JAZF1: variants seen among roughly 807,000 people sequenced by gnomAD.
JAZF1 encodes juxtaposed with another zinc finger protein 1.
Under a neutral mutation model 26.4 loss-of-function variants are expected in JAZF1, and 8 were observed. That is an observed-to-expected ratio of 0.30 (90% CI 0.18 to 0.55). The LOEUF (loss-of-function observed/expected upper bound fraction) is 0.55. Ranked by LOEUF, JAZF1 falls within the 20% of genes least tolerant of loss-of-function variation. The pLI is 0.94. For synonymous variants in JAZF1, 126 were observed against 122.3 expected (o/e 1.03, Z -0.20); for missense variants, 199 against 322.0 (o/e 0.62, Z 2.92).
At chr7:27,845,732 G>GAA (rs1373271889) in intron 3 of JAZF1, among the ~76,000 whole-genome samples, 1 of 145,862 alleles carries the variant, frequency 6.9e-6, no homozygotes, top group African/African-American at 2.6e-5. Context: ...AAAAGAAAAA[G>GAA]AAATTTTAAA....
At chr7:28,148,161 C>G (rs1260151825) in intron 1 of JAZF1, among the ~76,000 whole-genome samples, 2 of 152,020 alleles carry the variant, frequency 1.3e-5, no homozygotes. Flanking sequence ...ACCTCTGCCT[C>G]CTGAGTTCAA....
chr7:27,937,042 C>T (rs1784772133), intron 2 of JAZF1, among the ~76,000 whole-genome samples: 1 of 152,136 alleles, frequency 6.6e-6, no homozygotes, highest in African/African-American at 2.4e-5. Flanking sequence ...TTGTACTCAT[C>T]CTTAGATTTT....
At chr7:28,128,781 G>A (rs1338608660) in intron 1 of JAZF1, among the ~76,000 whole-genome samples, 3 of 152,110 alleles carry the variant, frequency 2.0e-5, no homozygotes, top group South Asian at 4.1e-4. Flanking sequence ...GGAAACCAAG[G>A]ATAGCTGCAC....
At chr7:27,943,674 A>T (rs1784882700) in intron 2 of JAZF1, among the ~76,000 whole-genome samples, 1 of 152,208 alleles carries the variant, frequency 6.6e-6, no homozygotes. Flanking sequence ...TACTCAAGTC[A>T]GTCATCTCCC....
At chr7:27,841,056 G>A (rs1432002875) in intron 3 of JAZF1, 189 bp from the exon 4 acceptor site, 15 of 577,720 alleles carry the variant, frequency 2.6e-5, no homozygotes, top group East Asian at 1.4e-4. Context: ...GGAGCCCTGC[G>A]TTCCCACCTA....
intron 4 of JAZF1, among the ~76,000 whole-genome samples, chr7:27,838,917 C>T (rs1165337911): frequency 1.3e-5 from 2 of 152,202 alleles, no homozygotes; most frequent in Non-Finnish European, 2.9e-5. Flanking sequence ...CCAGCAGCCC[C>T]TTCAGCCCAA....
chr7:28,077,616 T>C lies in JAZF1; in HGVS notation c.116-85635A>G, dbSNP rs1583547846. ...CAAAATCCCAGTAGAATAAATTTGGTATATAAGTCCTCCAGCAAAGTGACC... is the reference window on the plus strand; with the variant it reads ...CAAAATCCCAGTAGAATAAATTTGGCATATAAGTCCTCCAGCAAAGTGACC... On this transcript the variant is annotated intron_variant, in intron 1 of 4. Coordinates refer to ENST00000283928, the MANE Select transcript of JAZF1 (RefSeq NM_175061.4). Among the ~76,000 whole-genome samples the C allele has an allele frequency of 2.6e-5, 4 of 152,234 alleles. No homozygotes were observed. In the South Asian group the frequency reaches 8.3e-4, roughly 32 times the overall value.
intron 1 of JAZF1, among the ~76,000 whole-genome samples, chr7:28,038,426 T>C (rs528205257): frequency 7.6e-4 from 115 of 152,176 alleles, no homozygotes; most frequent in Non-Finnish European, 4.9e-4. Flanking sequence ...TTTGTTTACA[T>C]AACTGAACTA....
Position 28,071,233 on chromosome 7 carries a change from A to G in JAZF1, c.116-79252T>C, listed in dbSNP as rs539748149. ...ACAGGGAGGTTTGACACCAAAAGAG[A>G]CTGTTCTAAGTCACAGGCAAGACCT... On this transcript the variant is annotated intron_variant, in intron 1 of 4. Coordinates refer to ENST00000283928, the MANE Select transcript of JAZF1 (RefSeq NM_175061.4). Among the ~76,000 whole-genome samples the G allele has an allele frequency of 4.6e-5, 7 of 152,276 alleles. No homozygotes were observed. In the East Asian group the frequency reaches 1.4e-3, roughly 29 times the overall value.
At chr7:28,044,871 A>C (rs1783468532) in intron 1 of JAZF1, among the ~76,000 whole-genome samples, 1 of 152,106 alleles carries the variant, frequency 6.6e-6, no homozygotes, top group Admixed American at 6.5e-5. Flanking sequence ...CAAAAGACTA[A>C]CCACCAACCC....
intron 2 of JAZF1, among the ~76,000 whole-genome samples, chr7:27,911,487 A>C (rs369918406): frequency 6.6e-6 from 1 of 152,218 alleles, no homozygotes; most frequent in African/African-American, 2.4e-5. Context: ...TCAATACAGT[A>C]GCCATTAGCC....
At chr7:27,905,826 GA>G (rs1784246173) in intron 2 of JAZF1, among the ~76,000 whole-genome samples, 1 of 152,042 alleles carries the variant, frequency 6.6e-6, no homozygotes, top group Admixed American at 6.5e-5. Context: ...AGGCTTTCTT[GA>G]GAAAGATTCT....
intron 3 of JAZF1, among the ~76,000 whole-genome samples, chr7:27,894,635 A>G (rs1784028571): frequency 6.6e-6 from 1 of 152,206 alleles, no homozygotes; most frequent in Non-Finnish European, 1.5e-5. Flanking sequence ...TGGGAAAAAT[A>G]AAATGGATTA....
intron 4 of JAZF1, among the ~76,000 whole-genome samples, chr7:27,834,144 G>T (rs1475672361): frequency 6.6e-6 from 1 of 152,176 alleles, no homozygotes; most frequent in Non-Finnish European, 1.5e-5. Context: ...TGCCTTCAAA[G>T]AGCTCCCAGA....
chr7:27,932,928 A>G (rs530751253), intron 2 of JAZF1, among the ~76,000 whole-genome samples: 229 of 152,310 alleles, frequency 1.5e-3, no homozygotes, highest in African/African-American at 5.3e-3. Flanking sequence ...TAAATACGAA[A>G]GGGCTGCACC....
intron 1 of JAZF1, among the ~76,000 whole-genome samples, chr7:28,022,744 TG>T (rs1453428152): frequency 0.083 from 336 of 4,034 alleles, 1 homozygote; most frequent in African/African-American, 0.35. Flanking sequence ...AATATTTCAC[TG>T]TTGTTGTTGT....
chr7:27,849,772 C>CACACACACACATAT (rs140580370), intron 3 of JAZF1, among the ~76,000 whole-genome samples: 96 of 147,118 alleles, frequency 6.5e-4, no homozygotes, highest in African/African-American at 2.3e-3. Context: ...CACACACACA[C>CACACACACACATAT]ACCCCTACAC....
intron 1 of JAZF1, among the ~76,000 whole-genome samples, chr7:28,099,558 C>T (rs1051604105): frequency 6.6e-6 from 1 of 152,094 alleles, no homozygotes; most frequent in Non-Finnish European, 1.5e-5. Context: ...CTCACCGCAA[C>T]CTCCACCTCC....
chr7:28,165,685 G>C (rs572554685), intron 1 of JAZF1, among the ~76,000 whole-genome samples: 1 of 151,938 alleles, frequency 6.6e-6, no homozygotes, highest in Non-Finnish European at 1.5e-5. Context: ...CCCCTTCATT[G>C]AGCTTCACTG....
Sources: gnomAD v4.1 joint callset for allele counts (sites outside exome capture counted in the v4.1 genomes callset) on GRCh38, gnomAD v4.1.1 for gene constraint, MANE v1.5 for transcripts, NCBI Gene and HGNC (gene_info 2026-07-23, HGNC 2026-07-21) for gene names.